Variants in DKK3 observed in about 807,000 individuals in gnomAD.
The protein encoded by DKK3 is dickkopf-related protein 3.
Under a neutral mutation model 33.2 loss-of-function variants are expected in DKK3, and 22 were observed. The ratio of observed to expected loss-of-function variants is 0.66; its 90% CI spans 0.47 to 0.95. DKK3 has a LOEUF of 0.95. Ranked by LOEUF, DKK3 falls within the 40% of genes least tolerant of loss-of-function variation. The pLI is 0.00. For synonymous variants in DKK3, 194 were observed against 188.8 expected (o/e 1.03, Z -0.23); for missense variants, 398 against 458.4 (o/e 0.87, Z 1.20).
chr11:11,966,557 C>T (rs540051758), intron 5 of DKK3, among the ~76,000 whole-genome samples: 10 of 152,112 alleles, frequency 6.6e-5, no homozygotes, highest in African/African-American at 2.2e-4. Flanking sequence ...GAGAATTTTT[C>T]AAAACCCTAG....
intron 3 of DKK3, among the ~76,000 whole-genome samples, chr11:11,982,716 G>A (rs1485262593): frequency 6.6e-6 from 1 of 152,196 alleles, no homozygotes; most frequent in East Asian, 1.9e-4. Context: ...CCACAAGTGA[G>A]GACGATGTCC....
chr11:12,008,586 C>T lies in DKK3; in HGVS notation c.-4G>A, dbSNP rs1330372936. On this transcript the variant is annotated 5_prime_UTR_variant, in exon 1 of 7. Transcript: ENST00000683431. This position sits in a 1 kb window ranked among gnomAD's most constrained non-coding sequence, Gnocchi z 4.6. ...GGGTGGCCCCAAGCCGCTGCATCTC[C>T]GCTCTGCGCCCGCAGCCGCCGCCTG... 1.4e-6 allele frequency: 2 copies of T among 1,405,672 alleles called. No homozygotes were observed. Among genetic ancestry groups the T allele is most frequent in the South Asian group, 3.2e-5 (2 of 62,564 alleles). 87.1% of individuals were successfully genotyped at this position (1,405,672 alleles called of 1,614,324 possible).
intron 1 of DKK3, among the ~76,000 whole-genome samples, chr11:12,006,572 T>C (rs72859336): frequency 0.17 from 25,299 of 151,812 alleles, 2,420 homozygotes; most frequent in Admixed American, 0.29. Context: ...CCACATCTCC[T>C]CTGGTGGCAA....
chr11:11,966,991 C>A lies in DKK3; in HGVS notation c.636G>T (p.Arg212Ser). The change falls in exon 5 of 7, where the codon AGG (arginine) becomes AGT (serine). Residue 212 changes from arginine (R) to serine (S), a missense_variant. Transcript: ENST00000683431. ...CACAGCACAGCCCCGGCTGGCAGTC[C>A]CTCTGGTTGTCACAGATGGTCCCAT... ...GSNGTICDNQRDCQPGLCCAF... is the reference protein window; with the variant it reads ...GSNGTICDNQSDCQPGLCCAF... 6.2e-7 allele frequency: 1 copy of A among 1,614,060 alleles called. No individual in the cohort carries two copies. The highest frequency in any genetic ancestry group is 8.5e-7 in the Non-Finnish European group (1 of 1,180,008).
chr11:11,978,172 G>A (rs1847875531), intron 3 of DKK3, among the ~76,000 whole-genome samples: 1 of 152,144 alleles, frequency 6.6e-6, no homozygotes, highest in Non-Finnish European at 1.5e-5. Context: ...GGTTGGCCTT[G>A]AGCAGGAGAA....
intron 6 of DKK3, among the ~76,000 whole-genome samples, chr11:11,965,352 C>G (rs1847563157): frequency 6.6e-6 from 1 of 152,170 alleles, no homozygotes; most frequent in Non-Finnish European, 1.5e-5. Context: ...GGAGATGTGC[C>G]CTGAGAAGCT....
chr11:11,968,989 C>A (rs78998185), intron 3 of DKK3, among the ~76,000 whole-genome samples: 1,686 of 152,256 alleles, frequency 0.011, 33 homozygotes, highest in African/African-American at 0.039. Context: ...CCCTCAGGGT[C>A]CTGGGTCTAG....
chr11:11,974,099 C>T (rs1384793281), intron 3 of DKK3, among the ~76,000 whole-genome samples: 1 of 152,236 alleles, frequency 6.6e-6, no homozygotes, highest in Non-Finnish European at 1.5e-5. Flanking sequence ...TCCTCTCAAG[C>T]CCATGGCTCT....
chr11:11,980,551 C>T (rs568892437), intron 3 of DKK3, among the ~76,000 whole-genome samples: 19 of 152,278 alleles, frequency 1.2e-4, no homozygotes, highest in African/African-American at 3.6e-4. Flanking sequence ...AGATTTTTGG[C>T]CCATGCTTTT....
rs752376476 is a variant in DKK3, at chr11:12,002,291, A to C, written c.351+9T>G. Reference sequence around the variant, plus strand: ...CTATAGAAAGGAGGAAGTGCTGGCCATGACTTACCTTGTGAATTTCTCGGT... The same window carrying C: ...CTATAGAAAGGAGGAAGTGCTGGCCCTGACTTACCTTGTGAATTTCTCGGT... On this transcript the variant is annotated intron_variant, in intron 2 of 6. Coordinates refer to ENST00000683431, the MANE Select transcript of DKK3 (RefSeq NM_001018057.2). The C allele has an allele frequency of 1.1e-5, 17 of 1,611,784 alleles. No homozygotes were observed. The highest frequency in any genetic ancestry group is 1.4e-5 in the Non-Finnish European group (17 of 1,178,354).
At chr11:12,002,561 T>C in intron 1 of DKK3, 124 bp from the exon 2 acceptor site, 8 of 1,032,590 alleles carry the variant, frequency 7.7e-6, no homozygotes, top group African/African-American at 1.6e-5. Flanking sequence ...TGATAGGTGC[T>C]ATTAATTGAG....
chr11:11,986,246 C>T (rs1848068818), intron 3 of DKK3, among the ~76,000 whole-genome samples: 1 of 152,048 alleles, frequency 6.6e-6, no homozygotes, highest in Non-Finnish European at 1.5e-5. Flanking sequence ...AAAATTCAGG[C>T]TGTTTTCCCT....
intron 1 of DKK3, among the ~76,000 whole-genome samples, chr11:12,003,736 AT>A (rs59259850): frequency 0.038 from 5,609 of 146,394 alleles, 302 homozygotes; most frequent in African/African-American, 0.13. Context: ...GGCTATTTTT[AT>A]TTTTTTTTTT....
intron 4 of DKK3, 148 bp from the exon 5 acceptor site, chr11:11,967,246 G>A (rs1847619808): frequency 9.5e-7 from 1 of 1,053,608 alleles, no homozygotes; most frequent in East Asian, 2.6e-5. Context: ...GTGAAAGTCA[G>A]TGGGACAGAG....
rs1590549069 is a variant in DKK3 at position 11,998,399 on chromosome 11, C to G, written c.435+297G>C. The G allele has an allele frequency of 1.0e-5, 5 of 489,114 alleles. No homozygotes were observed. The East Asian group carries it at 1.9e-4, about 19-fold the overall frequency. The allele number at this position is 489,114 out of a possible 1,614,324, so 30.3% of individuals were successfully genotyped here. ...GATATACCAGGTCTGTCACCAAAGT[C>G]CCAGTCAACATGTCTGGTACTTGCT... is the stretch of plus-strand genomic sequence containing the variant. On this transcript the variant is annotated intron_variant, in intron 3 of 6. Transcript: ENST00000683431.
At chr11:11,972,656 T>C (rs1847748047) in intron 3 of DKK3, among the ~76,000 whole-genome samples, 1 of 152,142 alleles carries the variant, frequency 6.6e-6, no homozygotes, top group African/African-American at 2.4e-5. Context: ...AGTGGGTGGG[T>C]GGAGAGGACA....
At chr11:11,968,025 C>G (rs917750454) in intron 4 of DKK3, among the ~76,000 whole-genome samples, 6 of 152,136 alleles carry the variant, frequency 3.9e-5, no homozygotes, top group African/African-American at 1.2e-4. Flanking sequence ...TCTCCCTTCC[C>G]TCCCCTTCTC....
chr11:12,002,462 G>T, intron 1 of DKK3, 25 bp from the exon 2 acceptor site: 1 of 1,596,104 alleles, frequency 6.3e-7, no homozygotes. Flanking sequence ...AATTTAATGA[G>T]CAAAATTATT....
rs536266136 is a variant in DKK3 at position 11,992,120 on chromosome 11, G to A, written c.435+6576C>T. On this transcript the variant is annotated intron_variant, in intron 3 of 6. Coordinates refer to ENST00000683431, the MANE Select transcript of DKK3 (RefSeq NM_001018057.2). ...TAATACTGATAATTTTGATAGCCAAGGATTGGGCTACCAAAATAATCAAAT... is the reference window on the plus strand; with the variant it reads ...TAATACTGATAATTTTGATAGCCAAAGATTGGGCTACCAAAATAATCAAAT... 1.2e-4 allele frequency among the ~76,000 whole-genome samples: 18 copies of A among 152,244 alleles called. No individual in the cohort carries two copies. In the South Asian group the frequency reaches 1.7e-3, roughly 14 times the overall value.
Sources: gnomAD v4.1 joint callset for allele counts (sites outside exome capture counted in the v4.1 genomes callset) on GRCh38, gnomAD v4.1.1 for gene constraint, Gnocchi (gnomAD v3.1) non-coding constraint, MANE v1.5 for transcripts, NCBI Gene and HGNC (gene_info 2026-07-23, HGNC 2026-07-21) for gene names.